KCNMB2: variants seen among roughly 807,000 people sequenced by gnomAD.
KCNMB2 encodes calcium-activated potassium channel subunit beta-2.
In KCNMB2, 9 loss-of-function variants were observed where a neutral mutation model predicts 24.5. That is an observed-to-expected ratio of 0.37 (90% CI 0.22 to 0.64). The LOEUF is 0.64. Ranked by LOEUF, KCNMB2 falls within the 30% of genes least tolerant of loss-of-function variation. The pLI is 0.63. For synonymous variants in KCNMB2, 109 were observed against 104.4 expected (o/e 1.04, Z -0.27); for missense variants, 226 against 284.3 (o/e 0.79, Z 1.47).
intron 1 of KCNMB2, among the ~76,000 whole-genome samples, chr3:178,726,087 G>C (rs1228745868): frequency 6.6e-6 from 1 of 151,462 alleles, no homozygotes; most frequent in Non-Finnish European, 1.5e-5. Context: ...AATTATCTCA[G>C]TGAATAATAT....
chr3:178,671,944 G>A (rs537270213), intron 1 of KCNMB2, among the ~76,000 whole-genome samples: 2 of 152,266 alleles, frequency 1.3e-5, no homozygotes, highest in East Asian at 3.9e-4. Context: ...TGTGCACACA[G>A]AGAGGTGCAC....
chr3:178,828,889 T>G (rs1467104067), intron 4 of KCNMB2, among the ~76,000 whole-genome samples: 1 of 151,736 alleles, frequency 6.6e-6, no homozygotes, highest in Non-Finnish European at 1.5e-5. Context: ...GCATGTACAA[T>G]GTTAAGCAGA....
At position 178,807,432 on chromosome 3, in the gene KCNMB2, G is replaced by A. The variant is rs769870548; in HGVS notation, c.23G>A (p.Arg8Gln). Residue 8 changes from arginine to glutamine, a missense_variant, in exon 2 of 5, where the codon CGG becomes CAG. Transcript: ENST00000452583. MFIWTSGRTSSSYRHDEK... is the reference protein window; with the variant it reads MFIWTSGQTSSSYRHDEK... Reference sequence around the variant, plus strand: ...AAGATGTTTATATGGACCAGTGGCCGGACCTCTTCATCTTATAGACATGAT... The same window carrying A: ...AAGATGTTTATATGGACCAGTGGCCAGACCTCTTCATCTTATAGACATGAT... 9.3e-6 allele frequency: 15 copies of A among 1,613,546 alleles called. No individual in the cohort carries two copies. The highest frequency in any genetic ancestry group is 2.2e-5 in the East Asian group (1 of 44,880).
intron 1 of KCNMB2, among the ~76,000 whole-genome samples, chr3:178,707,921 A>T (rs918272023): frequency 5.3e-5 from 8 of 152,120 alleles, no homozygotes; most frequent in African/African-American, 1.7e-4. Flanking sequence ...CAATTGCTCA[A>T]ACTTTAACCA....
chr3:178,782,725 C>G (rs1451292637), intron 1 of KCNMB2, among the ~76,000 whole-genome samples: 6 of 151,370 alleles, frequency 4.0e-5, no homozygotes, highest in Non-Finnish European at 8.8e-5. Context: ...CGAAAATTTT[C>G]TCCCATTTTG....
chr3:178,621,560 C>T (rs1718922198), intron 1 of KCNMB2, among the ~76,000 whole-genome samples: 1 of 151,968 alleles, frequency 6.6e-6, no homozygotes, highest in Admixed American at 6.6e-5. Flanking sequence ...TTTCATGCCC[C>T]TCTAAGCCAG....
intron 1 of KCNMB2, among the ~76,000 whole-genome samples, chr3:178,679,481 C>A (rs1721193323): frequency 6.6e-6 from 1 of 152,202 alleles, no homozygotes; most frequent in South Asian, 2.1e-4. Flanking sequence ...GTATTTCATA[C>A]ATCCAAGTTT....
intron 1 of KCNMB2, among the ~76,000 whole-genome samples, chr3:178,721,070 A>C (rs1439341046): frequency 6.6e-6 from 1 of 152,118 alleles, no homozygotes; most frequent in Non-Finnish European, 1.5e-5. Context: ...CCTGAATGGT[A>C]ATGCCTAGGT....
intron 1 of KCNMB2, among the ~76,000 whole-genome samples, chr3:178,762,277 T>C (rs1392697370): frequency 6.6e-6 from 1 of 152,188 alleles, no homozygotes; most frequent in Non-Finnish European, 1.5e-5. Flanking sequence ...GGACATGCTA[T>C]GGAGCTGAAC....
intron 1 of KCNMB2, among the ~76,000 whole-genome samples, chr3:178,668,986 A>G (rs1009727817): frequency 6.6e-6 from 1 of 152,158 alleles, no homozygotes; most frequent in African/African-American, 2.4e-5. Context: ...ATAAAAAGAT[A>G]TTTACATAGC....
At chr3:178,818,693 T>C (rs926972575) in intron 2 of KCNMB2, among the ~76,000 whole-genome samples, 1 of 152,182 alleles carries the variant, frequency 6.6e-6, no homozygotes, top group Non-Finnish European at 1.5e-5. Context: ...TCTCCATATG[T>C]AAACATTTCT....
chr3:178,540,567 C>T (rs1274090672), intron 1 of KCNMB2, among the ~76,000 whole-genome samples: 1 of 152,178 alleles, frequency 6.6e-6, no homozygotes, highest in Non-Finnish European at 1.5e-5. Flanking sequence ...ATTCCACTGC[C>T]ACCACGCTGG....
intron 1 of KCNMB2, among the ~76,000 whole-genome samples, chr3:178,619,800 G>A (rs1438123379): frequency 6.6e-6 from 1 of 152,134 alleles, no homozygotes; most frequent in East Asian, 1.9e-4. Flanking sequence ...TGAGAGAAAT[G>A]GAAGCCTTTT....
At chr3:178,785,685 CAT>C (rs566284028) in intron 1 of KCNMB2, among the ~76,000 whole-genome samples, 177 of 152,160 alleles carry the variant, frequency 1.2e-3, no homozygotes, top group African/African-American at 3.8e-3. Flanking sequence ...TGGTTTTACA[CAT>C]GTGTTCAGTT....
chr3:178,793,624 T>C (rs1204004165), intron 1 of KCNMB2, among the ~76,000 whole-genome samples: 1 of 151,962 alleles, frequency 6.6e-6, no homozygotes, highest in African/African-American at 2.4e-5. Context: ...CACCACGGCA[T>C]GAAATGGAGG....
intron 1 of KCNMB2, among the ~76,000 whole-genome samples, chr3:178,754,356 C>G (rs186530753): frequency 1.7e-4 from 26 of 152,048 alleles, no homozygotes; most frequent in African/African-American, 6.0e-4. Context: ...TTAAACCAAA[C>G]CTTCAAGAAC....
At position 178,668,643 on chromosome 3, in the gene KCNMB2, T is replaced by G. The variant is rs60916585; in HGVS notation, c.-68+131932T>G. On this transcript the variant is annotated intron_variant, in intron 1 of 4. Transcript: ENST00000452583. Reference sequence around the variant, plus strand: ...GTTACGGATCTGTGCATCGATCTAATAGTATTGCTACAGTGTGTAAAACTG... The same window carrying G: ...GTTACGGATCTGTGCATCGATCTAAGAGTATTGCTACAGTGTGTAAAACTG... Among the ~76,000 whole-genome samples the G allele has an allele frequency of 5.8e-3, 876 of 152,244 alleles. 9 individuals carry two copies. The highest frequency in any genetic ancestry group is 0.021 in the African/African-American group (856 of 41,556).
intron 1 of KCNMB2, among the ~76,000 whole-genome samples, chr3:178,592,918 C>T (rs896086469): frequency 6.6e-6 from 1 of 151,622 alleles, no homozygotes; most frequent in African/African-American, 2.4e-5. Context: ...TTTGCTTTAA[C>T]GTGGTCCCAG....
chr3:178,725,756 G>A (rs1055195371), intron 1 of KCNMB2, among the ~76,000 whole-genome samples: 7 of 151,944 alleles, frequency 4.6e-5, no homozygotes, highest in African/African-American at 1.7e-4. Context: ...ATATAAACAT[G>A]TCCATTTACT....
Sources: gnomAD v4.1 joint callset for allele counts (sites outside exome capture counted in the v4.1 genomes callset) on GRCh38, gnomAD v4.1.1 for gene constraint, MANE v1.5 for transcripts, NCBI Gene and HGNC (gene_info 2026-07-23, HGNC 2026-07-21) for gene names.